FRA10AC1: variants seen among roughly 807,000 people sequenced by gnomAD.
FRA10AC1 encodes the protein FRA10A associated CGG repeat 1.
Under a neutral mutation model 56.5 loss-of-function variants are expected in FRA10AC1, and 43 were observed. The observed-to-expected ratio is 0.76, with a 90% CI of 0.60 to 0.98. The LOEUF (loss-of-function observed/expected upper bound fraction) is 0.98, where lower values mean the gene tolerates loss of function less well. FRA10AC1 is among the 50% of genes least tolerant of loss of function. The pLI is 0.00. For synonymous variants in FRA10AC1, 112 were observed against 110.5 expected (o/e 1.01, Z -0.09); for missense variants, 346 against 351.8 (o/e 0.98, Z 0.13).
chr10:93,692,399 A>G (rs1423584128), intron 6 of FRA10AC1, among the ~76,000 whole-genome samples: 1 of 152,184 alleles, frequency 6.6e-6, no homozygotes, highest in Non-Finnish European at 1.5e-5. Flanking sequence ...ATAATAACAT[A>G]TTACAAGATA....
chr10:93,677,557 A>G (rs1047226228), intron 11 of FRA10AC1, among the ~76,000 whole-genome samples: 19 of 152,224 alleles, frequency 1.2e-4, no homozygotes, highest in African/African-American at 4.6e-4. Flanking sequence ...CAAGAACATA[A>G]TTAGAACCAA....
rs535722064 is a variant in FRA10AC1 at position 93,679,065 on chromosome 10, T to C, written c.788-2374A>G. 7.2e-5 allele frequency among the ~76,000 whole-genome samples: 11 copies of C among 152,302 alleles called. No homozygotes were observed. The East Asian group carries it at 9.7e-4, about 13-fold the overall frequency. On this transcript the variant is annotated intron_variant, in intron 11 of 13. Coordinates refer to ENST00000359204, the MANE Select transcript of FRA10AC1 (RefSeq NM_145246.5). ...AGATAAGATATTAAAGAGTTCCACATGGTTTTCCTAAAAGTTTGCTAAAAT... is the reference window on the plus strand; with the variant it reads ...AGATAAGATATTAAAGAGTTCCACACGGTTTTCCTAAAAGTTTGCTAAAAT...
At chr10:93,677,642 G>C (rs1372350514) in intron 11 of FRA10AC1, among the ~76,000 whole-genome samples, 1 of 152,140 alleles carries the variant, frequency 6.6e-6, no homozygotes, top group Non-Finnish European at 1.5e-5. Flanking sequence ...AAAATGTAAA[G>C]CTTTATTTTT....
rs11187597 is a variant in FRA10AC1, at chr10:93,698,384, A to G, written c.90T>C (p.Asp30=). 0.49 allele frequency: 785,097 copies of G among 1,596,576 alleles called. 199,664 individuals are homozygous for G. The highest frequency in any genetic ancestry group is 0.52 in the Non-Finnish European group (603,337 of 1,165,740). ...SSKRKKRTVE[D]DLLLQKPFQK... ...GAAATGGTTTTTGGAGCAGTAAGTC[A>G]TCTTCAACTGTCCTGATATATTAAG... The change falls in exon 3 of 14, where the codon GAT becomes GAC. Residue 30 remains aspartate (D), a synonymous_variant. Transcript: ENST00000359204.
Position 93,668,933 on chromosome 10 carries a change from T to C in FRA10AC1, c.*893A>G, listed in dbSNP as rs778254058. 2.6e-5 allele frequency: 4 copies of C among 152,208 alleles called. No individual in the cohort carries two copies. Among genetic ancestry groups the C allele is most frequent in the Non-Finnish European group, 4.4e-5 (3 of 68,042 alleles). 9.4% of individuals were successfully genotyped at this position (152,208 alleles called of 1,614,324 possible). A position where few individuals can be genotyped will look rare whatever the true frequency, so the allele number is the denominator to read the frequency against. On this transcript the variant is annotated 3_prime_UTR_variant, in exon 14 of 14. Coordinates refer to ENST00000359204, the MANE Select transcript of FRA10AC1 (RefSeq NM_145246.5). ...ATATCTGAGGCAAGATACATGCACATAGTATTATTCAGTTAAATTATCTTA... is the reference window on the plus strand; with the variant it reads ...ATATCTGAGGCAAGATACATGCACACAGTATTATTCAGTTAAATTATCTTA...
chr10:93,690,527 C>T (rs1277340916), intron 7 of FRA10AC1, among the ~76,000 whole-genome samples: 1 of 152,044 alleles, frequency 6.6e-6, no homozygotes, highest in African/African-American at 2.4e-5. Context: ...TATTAACCCA[C>T]AGTACCTAGT....
intron 13 of FRA10AC1, among the ~76,000 whole-genome samples, chr10:93,670,460 G>GATA (rs746190863): frequency 7.2e-5 from 11 of 152,222 alleles, no homozygotes; most frequent in Non-Finnish European, 1.5e-4. Context: ...ATAGGTTTAT[G>GATA]ATAATCACAG....
At chr10:93,679,289 G>A (rs2058893174) in intron 11 of FRA10AC1, among the ~76,000 whole-genome samples, 1 of 152,160 alleles carries the variant, frequency 6.6e-6, no homozygotes, top group African/African-American at 2.4e-5. Context: ...GAGCTAGTGG[G>A]GTGCTGGGGA....
intron 4 of FRA10AC1, among the ~76,000 whole-genome samples, chr10:93,695,225 T>C (rs1197552198): frequency 6.6e-6 from 1 of 152,108 alleles, no homozygotes; most frequent in Non-Finnish European, 1.5e-5. Flanking sequence ...TCTTATTCTA[T>C]TGCTGAACTG....
intron 4 of FRA10AC1, among the ~76,000 whole-genome samples, chr10:93,697,225 G>A (rs1191123249): frequency 6.6e-6 from 1 of 152,168 alleles, no homozygotes; most frequent in Non-Finnish European, 1.5e-5. Flanking sequence ...CCCCAATGCA[G>A]TAGGTGTCAG....
At position 93,702,494 on chromosome 10, in the gene FRA10AC1, CCTGCCGCACAGCCTCGCCACAACCACCA is replaced by C. The variant is rs1363057249; in HGVS notation, c.-148_-121del. On this transcript the variant is annotated 5_prime_UTR_variant, in exon 1 of 14. Coordinates refer to ENST00000359204, the MANE Select transcript of FRA10AC1 (RefSeq NM_145246.5). Reference sequence around the variant, plus strand: ...CCGCTGCAGCACAGGTCCCGTGCGCCCTGCCGCACAGCCTCGCCACAACCACCACCGCCGCCGCCGCCGCCGCCGCCGC... The same window carrying C: ...CCGCTGCAGCACAGGTCCCGTGCGCCCCGCCGCCGCCGCCGCCGCCGCCGC... 6 of 208,650 alleles carry C rather than the reference CCTGCCGCACAGCCTCGCCACAACCACCA, an allele frequency of 2.9e-5. No individual in the cohort carries two copies. The highest frequency in any genetic ancestry group is 4.7e-5 in the Non-Finnish European group (5 of 107,050). 12.9% of individuals were successfully genotyped at this position (208,650 alleles called of 1,614,324 possible). A position where few individuals can be genotyped will look rare whatever the true frequency, so the allele number is the denominator to read the frequency against.
intron 11 of FRA10AC1, among the ~76,000 whole-genome samples, chr10:93,677,480 A>G (rs565178642): frequency 8.7e-4 from 132 of 152,326 alleles, no homozygotes; most frequent in Non-Finnish European, 1.6e-3. Flanking sequence ...AATGAGGAAC[A>G]TGATACCTGC....
In FRA10AC1 at chr10:93,681,457, G is replaced by A. The variant is rs760263097; in HGVS notation, c.787+23C>T. On this transcript the variant is annotated intron_variant, in intron 11 of 13. Transcript: ENST00000359204. ...TTCATGCTCACAAATGTGAGTAGAT[G>A]CCTTATCTTAATTTCCTTTTACCTT... The A allele has an allele frequency of 5.0e-6, 7 of 1,407,472 alleles. No homozygotes were observed. In the South Asian group the frequency reaches 7.7e-5, roughly 16 times the overall value. The allele number at this position is 1,407,472 out of a possible 1,614,324, so 87.2% of individuals were successfully genotyped here. A position where few individuals can be genotyped will look rare whatever the true frequency, so the allele number is the denominator to read the frequency against.
In FRA10AC1 at chr10:93,693,520, TATATATAC is replaced by T. The variant is rs1564820199; in HGVS notation, c.297-799_297-792del. On this transcript the variant is annotated intron_variant, in intron 5 of 13. Transcript: ENST00000359204. Reference sequence around the variant, plus strand: ...TATATATATATATACACCATATATATATATATACACCATATATATATATATATACACAC... The same window carrying T: ...TATATATATATATACACCATATATATACCATATATATATATATATACACAC... Among the ~76,000 whole-genome samples the T allele has an allele frequency of 3.5e-3, 65 of 18,358 alleles. 4 individuals carry two copies. The highest frequency in any genetic ancestry group is 5.5e-3 in the Non-Finnish European group (37 of 6,718). 12.0% of individuals were successfully genotyped at this position (18,358 alleles called of 152,430 possible). A position where few individuals can be genotyped will look rare whatever the true frequency, so the allele number is the denominator to read the frequency against.
intron 10 of FRA10AC1, among the ~76,000 whole-genome samples, chr10:93,683,054 A>G (rs2058963402): frequency 6.6e-6 from 1 of 152,208 alleles, no homozygotes; most frequent in South Asian, 2.1e-4. Context: ...AAACCTGACC[A>G]TCACAAAGGC....
Position 93,681,548 on chromosome 10 carries a change from C to T in FRA10AC1, c.719G>A (p.Cys240Tyr), listed in dbSNP as rs1282608434. ...GGATTTTTTATGTGATGACTCTTCA[C>T]AGTCTTTTTTGGTTTTATCTTTTCT... ...KKRKDKTKKD[C>Y]EESSHKKSRL... Residue 240 changes from cysteine (C) to tyrosine (Y), a missense_variant, in exon 11 of 14, where the codon TGT becomes TAT. Coordinates refer to ENST00000359204, the MANE Select transcript of FRA10AC1 (RefSeq NM_145246.5). 1.9e-6 allele frequency: 3 copies of T among 1,575,522 alleles called. No homozygotes were observed. The highest frequency in any genetic ancestry group is 2.6e-6 in the Non-Finnish European group (3 of 1,164,926).
intron 7 of FRA10AC1, among the ~76,000 whole-genome samples, chr10:93,688,602 A>G (rs1366234393): frequency 6.6e-6 from 1 of 152,108 alleles, no homozygotes; most frequent in African/African-American, 2.4e-5. Flanking sequence ...CATGTATGAG[A>G]GCAGGGGGTA....
intron 2 of FRA10AC1, among the ~76,000 whole-genome samples, chr10:93,698,656 A>C (rs948076456): frequency 6.6e-6 from 1 of 152,218 alleles, no homozygotes; most frequent in Non-Finnish European, 1.5e-5. Flanking sequence ...TCCTGATTCA[A>C]ATCCTAATTC....
At chr10:93,673,328 C>G in intron 12 of FRA10AC1, 1 of 456,574 alleles carries the variant, frequency 2.2e-6, no homozygotes, top group Admixed American at 2.3e-5. Context: ...CCCTCCCATC[C>G]TTTCACTCTT....
Sources: gnomAD v4.1 joint callset for allele counts (sites outside exome capture counted in the v4.1 genomes callset) on GRCh38, gnomAD v4.1.1 for gene constraint, MANE v1.5 for transcripts, NCBI Gene and HGNC (gene_info 2026-07-23, HGNC 2026-07-21) for gene names.